Variants in SLC24A3 observed in about 807,000 individuals in gnomAD.
SLC24A3 encodes sodium/potassium/calcium exchanger 3.
In SLC24A3, 28 loss-of-function variants were observed where a neutral mutation model predicts 75.8. The observed-to-expected ratio is 0.37, with a 90% CI of 0.27 to 0.51. The LOEUF (loss-of-function observed/expected upper bound fraction) is 0.51, where lower values mean the gene tolerates loss of function less well. Ranked by LOEUF, SLC24A3 falls within the 20% of genes least tolerant of loss-of-function variation. The pLI is 0.94. For synonymous variants in SLC24A3, 372 were observed against 334.1 expected (o/e 1.11, Z -1.24); for missense variants, 663 against 847.8 (o/e 0.78, Z 2.71).
intron 6 of SLC24A3, among the ~76,000 whole-genome samples, chr20:19,607,451 T>C (rs116789780): frequency 0.014 from 2,100 of 152,300 alleles, 44 homozygotes; most frequent in African/African-American, 0.046. Context: ...GGGTGCCAGA[T>C]CTTTCCAGCC....
chr20:19,498,861 T>A (rs1012142944), intron 2 of SLC24A3, among the ~76,000 whole-genome samples: 3 of 152,228 alleles, frequency 2.0e-5, no homozygotes, highest in Non-Finnish European at 4.4e-5. Flanking sequence ...TGACTTCCTA[T>A]GCCAGATCAT....
chr20:19,308,691 A>C (rs900259696), intron 2 of SLC24A3, among the ~76,000 whole-genome samples: 1 of 152,222 alleles, frequency 6.6e-6, no homozygotes, highest in Non-Finnish European at 1.5e-5. Flanking sequence ...ATGGAGAAAT[A>C]CTAAACGGGG....
intron 1 of SLC24A3, among the ~76,000 whole-genome samples, chr20:19,232,014 G>A (rs1982035252): frequency 6.6e-6 from 1 of 152,178 alleles, no homozygotes; most frequent in South Asian, 2.1e-4. Context: ...TGGAGGAGAG[G>A]CTAAAGTATT....
At chr20:19,549,430 T>G (rs2030655681) in intron 3 of SLC24A3, among the ~76,000 whole-genome samples, 1 of 152,212 alleles carries the variant, frequency 6.6e-6, no homozygotes, top group Non-Finnish European at 1.5e-5. Flanking sequence ...TTTTTAAATG[T>G]CAACATATGT....
chr20:19,285,637 GCT>G (rs1295965282), intron 2 of SLC24A3, among the ~76,000 whole-genome samples: 3 of 149,726 alleles, frequency 2.0e-5, no homozygotes, highest in Non-Finnish European at 4.4e-5. Context: ...AATTGTTCCA[GCT>G]CTCTGTGAAT....
intron 8 of SLC24A3, among the ~76,000 whole-genome samples, chr20:19,666,379 A>C (rs1165321059): frequency 6.6e-6 from 1 of 151,946 alleles, no homozygotes; most frequent in African/African-American, 2.4e-5. Context: ...GGTGGTAGGC[A>C]CCTGTAGTCC....
chr20:19,371,641 C>T (rs141213808), intron 2 of SLC24A3, among the ~76,000 whole-genome samples: 38 of 152,302 alleles, frequency 2.5e-4, no homozygotes, highest in African/African-American at 8.4e-4. Context: ...CTCCATATGG[C>T]GGAAAGCTTT....
chr20:19,315,352 C>T (rs781058375), intron 2 of SLC24A3, among the ~76,000 whole-genome samples: 2 of 152,162 alleles, frequency 1.3e-5, no homozygotes, highest in Non-Finnish European at 2.9e-5. Context: ...ATCACTGGGG[C>T]TGGGGTGCCA....
chr20:19,227,348 T>C (rs1036518634), intron 1 of SLC24A3, among the ~76,000 whole-genome samples: 11 of 152,122 alleles, frequency 7.2e-5, no homozygotes, highest in African/African-American at 2.2e-4. Context: ...TAAGAGCTTT[T>C]ATATATTTTG....
intron 6 of SLC24A3, among the ~76,000 whole-genome samples, chr20:19,603,390 A>T (rs2031554200): frequency 6.6e-6 from 1 of 152,178 alleles, no homozygotes; most frequent in East Asian, 1.9e-4. Flanking sequence ...TTCCAAAGAA[A>T]AGAGTTCCGT....
At chr20:19,717,621 T>C (rs1193056299) in intron 16 of SLC24A3, 28 bp downstream of exon 16, 2 of 1,613,440 alleles carry the variant, frequency 1.2e-6, no homozygotes, top group South Asian at 1.1e-5. Flanking sequence ...TCCTCGTACT[T>C]GTGTTTGCCT....
chr20:19,585,974 C>A (rs993188050), intron 6 of SLC24A3, among the ~76,000 whole-genome samples: 1 of 152,160 alleles, frequency 6.6e-6, no homozygotes, highest in Non-Finnish European at 1.5e-5. Context: ...AACATGCAGT[C>A]ATCACGGTTT....
intron 2 of SLC24A3, among the ~76,000 whole-genome samples, chr20:19,306,655 A>G (rs1984338524): frequency 6.6e-6 from 1 of 152,208 alleles, no homozygotes; most frequent in Admixed American, 6.5e-5. Flanking sequence ...AACATTGGGT[A>G]CACATGGACA....
chr20:19,365,249 G>A (rs1399041446), intron 2 of SLC24A3, among the ~76,000 whole-genome samples: 2 of 152,170 alleles, frequency 1.3e-5, no homozygotes, highest in Admixed American at 1.3e-4. Context: ...GACCAACAGT[G>A]TCAGCTTCCC....
intron 2 of SLC24A3, among the ~76,000 whole-genome samples, chr20:19,455,718 A>T (rs1292502770): frequency 6.6e-6 from 1 of 152,200 alleles, no homozygotes; most frequent in Non-Finnish European, 1.5e-5. Flanking sequence ...ATGCTCATGA[A>T]TGTTTGGGCC....
intron 2 of SLC24A3, among the ~76,000 whole-genome samples, chr20:19,325,134 A>G (rs966028199): frequency 2.0e-5 from 3 of 151,804 alleles, no homozygotes; most frequent in East Asian, 1.9e-4. Context: ...CTTAGGAGAG[A>G]GAAGGAACCC....
At chr20:19,339,408 CTATA>C (rs1382612604) in intron 2 of SLC24A3, among the ~76,000 whole-genome samples, 7 of 152,078 alleles carry the variant, frequency 4.6e-5, no homozygotes, top group Non-Finnish European at 1.0e-4. Flanking sequence ...ATCACTCAGT[CTATA>C]TAACCATTTG....
intron 7 of SLC24A3, among the ~76,000 whole-genome samples, chr20:19,655,913 T>G (rs140490234): frequency 1.6e-3 from 237 of 152,216 alleles, no homozygotes; most frequent in African/African-American, 5.4e-3. Context: ...ATTTTATATA[T>G]ATATATCTTT....
intron 2 of SLC24A3, among the ~76,000 whole-genome samples, chr20:19,440,328 T>C (rs905096044): frequency 2.6e-5 from 4 of 152,218 alleles, no homozygotes; most frequent in Non-Finnish European, 4.4e-5. Context: ...GAAGGTTCTA[T>C]CTGTAATCTC....
Sources: allele counts gnomAD v4.1 joint callset (sites outside exome capture counted in the v4.1 genomes callset), GRCh38; gene constraint gnomAD v4.1.1; transcripts MANE v1.5; gene names NCBI Gene and HGNC (gene_info 2026-07-23, HGNC 2026-07-21).